Variants in PLAAT1 observed in about 807,000 individuals in gnomAD.
The protein encoded by PLAAT1 is H-REV107 protein-related protein.
Under a neutral mutation model 16.4 loss-of-function variants are expected in PLAAT1, and 13 were observed. The observed-to-expected ratio is 0.79, with a 90% CI of 0.52 to 1.26. The LOEUF is 1.26. Among genes scored for constraint, PLAAT1 ranks in the 50% most tolerant of loss-of-function variants. The probability of loss-of-function intolerance (pLI) is 0.00; values close to 1 mark genes in which losing one functional copy is unlikely to be tolerated. For missense variants in PLAAT1, 218 were observed against 207.8 expected (o/e 1.05, Z -0.30); for synonymous variants, 73 against 78.4 (o/e 0.93, Z 0.36).
At chr3:193,246,812 T>C (rs984118165) in intron 1 of PLAAT1, among the ~76,000 whole-genome samples, 9 of 152,236 alleles carry the variant, frequency 5.9e-5, no homozygotes, top group Non-Finnish European at 8.8e-5. Context: ...TCAGGGATAT[T>C]GGCCTGTAGT....
At chr3:193,279,355 A>G (rs1238138337), downstream of PLAAT1, 2 of 1,605,706 alleles carry the variant, frequency 1.2e-6, no homozygotes, top group East Asian at 4.5e-5. Flanking sequence ...GTGCAAATGA[A>G]TGCCACTTAC....
At chr3:193,270,069 A>AC (rs1716930421) in intron 3 of PLAAT1, among the ~76,000 whole-genome samples, 1 of 147,878 alleles carries the variant, frequency 6.8e-6, no homozygotes, top group Non-Finnish European at 1.5e-5. Flanking sequence ...ACATCCCTGA[A>AC]ACACACACAC....
chr3:193,275,017 T>C (rs1358445558), downstream of PLAAT1: 1 of 1,612,704 alleles, frequency 6.2e-7, no homozygotes, highest in South Asian at 1.1e-5. Flanking sequence ...GCAATGCTGT[T>C]GAGCATGTAC....
downstream of PLAAT1, among the ~76,000 whole-genome samples, chr3:193,278,859 G>T (rs1426429537): frequency 6.6e-6 from 1 of 152,062 alleles, no homozygotes; most frequent in African/African-American, 2.4e-5. Flanking sequence ...TCACAATACG[G>T]GGTCCAAGAA....
chr3:193,261,993 T>A (rs1257672931), intron 2 of PLAAT1, among the ~76,000 whole-genome samples: 2 of 152,198 alleles, frequency 1.3e-5, no homozygotes, highest in Non-Finnish European at 2.9e-5. Context: ...AAGTTTTGCT[T>A]TCAGTCATTA....
At position 193,263,255 on chromosome 3, in the gene PLAAT1, T is replaced by C. The variant is rs759905805; in HGVS notation, c.405+20T>C. 41 of 1,605,794 alleles carry C rather than the reference T, an allele frequency of 2.6e-5. No individual in the cohort carries two copies. The Admixed American group carries it at 6.9e-4, about 27-fold the overall frequency. The stretch of plus-strand genomic sequence containing the variant: ...GAGCAGGTAAGTTTTCTTTAGGAGA[T>C]ATTCTTACATTGAGAAAAGAATAAC... On this transcript the variant is annotated intron_variant, in intron 3 of 3. Transcript: ENST00000264735.
chr3:193,249,185 G>A (rs1178504924), intron 1 of PLAAT1, among the ~76,000 whole-genome samples: 1 of 151,976 alleles, frequency 6.6e-6, no homozygotes, highest in Admixed American at 6.5e-5. Flanking sequence ...TCTGATGGGG[G>A]TCCCCTTTTA....
chr3:193,273,318 G>A (rs1435005067), downstream of PLAAT1, among the ~76,000 whole-genome samples: 2 of 152,116 alleles, frequency 1.3e-5, no homozygotes, highest in Non-Finnish European at 2.9e-5. Context: ...ACCAGTAGCT[G>A]CTAAATTATA....
chr3:193,258,093 C>G (rs1449008693), intron 2 of PLAAT1, among the ~76,000 whole-genome samples: 2 of 152,116 alleles, frequency 1.3e-5, no homozygotes, highest in African/African-American at 4.8e-5. Context: ...AGTCAATACT[C>G]CTTAATAAAC....
chr3:193,280,930 C>G (rs1040412517), downstream of PLAAT1, among the ~76,000 whole-genome samples: 4 of 152,192 alleles, frequency 2.6e-5, no homozygotes, highest in African/African-American at 9.7e-5. Context: ...AAATCTGAGG[C>G]AACTGCCCCT....
At chr3:193,263,622 G>C (rs138167081) in intron 3 of PLAAT1, among the ~76,000 whole-genome samples, 59 of 152,256 alleles carry the variant, frequency 3.9e-4, no homozygotes, top group Middle Eastern at 3.4e-3. Context: ...TATCACAAAT[G>C]GTTATTCTTA....
In PLAAT1 at chr3:193,245,864, C is replaced by T. The variant is rs560723321; in HGVS notation, c.-1+4331C>T. Among the ~76,000 whole-genome samples, 10 of 152,260 alleles carry T rather than the reference C, an allele frequency of 6.6e-5. No homozygotes were observed. In the South Asian group the frequency reaches 1.9e-3, roughly 28 times the overall value. On this transcript the variant is annotated intron_variant, in intron 1 of 3. Transcript: ENST00000264735. ...TAAAATGTCTGTTTAGATACTTTGC[C>T]AAGTTTTTAATTGACTTGTTTTCTT...
downstream of PLAAT1, among the ~76,000 whole-genome samples, chr3:193,271,299 C>T (rs1015936068): frequency 2.6e-5 from 4 of 152,130 alleles, no homozygotes; most frequent in Non-Finnish European, 5.9e-5. Flanking sequence ...TGTGTGGAAT[C>T]TACTTGCTTG....
chr3:193,261,842 TA>T (rs1345047472), intron 2 of PLAAT1, among the ~76,000 whole-genome samples: 1 of 152,200 alleles, frequency 6.6e-6, no homozygotes, highest in East Asian at 1.9e-4. Flanking sequence ...ATGTGGTTAT[TA>T]AAAATATGTT....
downstream of PLAAT1, among the ~76,000 whole-genome samples, chr3:193,271,247 AGAG>A (rs1260452558): frequency 7.2e-6 from 1 of 138,912 alleles, no homozygotes; most frequent in Non-Finnish European, 1.6e-5. Flanking sequence ...GTGGATGGGA[AGAG>A]GAGAGGCTGT....
At chr3:193,279,731 C>A (rs754307851), downstream of PLAAT1, among the ~76,000 whole-genome samples, 3 of 152,010 alleles carry the variant, frequency 2.0e-5, no homozygotes, top group Non-Finnish European at 4.4e-5. Flanking sequence ...CACTGCGTGT[C>A]CAGTGAGTTG....
intron 2 of PLAAT1, among the ~76,000 whole-genome samples, chr3:193,258,323 A>G (rs549213075): frequency 3.3e-5 from 5 of 152,292 alleles, no homozygotes; most frequent in Admixed American, 3.3e-4. Context: ...AGGAGCTCAG[A>G]TTAACAACCT....
chr3:193,279,543 G>T, downstream of PLAAT1: 1 of 937,806 alleles, frequency 1.1e-6, no homozygotes, highest in Non-Finnish European at 1.7e-6. Flanking sequence ...TCTCTGTTGG[G>T]CAAATACCAG....
At chr3:193,272,166 A>T (rs1260917744), downstream of PLAAT1, among the ~76,000 whole-genome samples, 1 of 152,178 alleles carries the variant, frequency 6.6e-6, no homozygotes, top group Non-Finnish European at 1.5e-5. Context: ...ATAACAGGCC[A>T]GGTGCGGTGG....
Sources: allele counts gnomAD v4.1 joint callset (sites outside exome capture counted in the v4.1 genomes callset), GRCh38; gene constraint gnomAD v4.1.1; transcripts MANE v1.5; gene names NCBI Gene and HGNC (gene_info 2026-07-23, HGNC 2026-07-21).